Variants in PLEKHA5 observed in about 807,000 individuals in gnomAD.
PLEKHA5 encodes the protein pleckstrin homology domain containing A5.
In PLEKHA5, 55 loss-of-function variants were observed where a neutral mutation model predicts 181.9. The observed-to-expected ratio is 0.30, with a 90% CI of 0.24 to 0.38. The LOEUF is 0.38. Ranked by LOEUF, PLEKHA5 falls within the 10% of genes least tolerant of loss-of-function variation. PLEKHA5 has a pLI of 1.00. For synonymous variants in PLEKHA5, 535 were observed against 529.4 expected (o/e 1.01, Z -0.15); for missense variants, 1,432 against 1,549.5 (o/e 0.92, Z 1.27).
chr12:19,309,057 A>G (rs2085335486), intron 15 of PLEKHA5, among the ~76,000 whole-genome samples: 1 of 151,908 alleles, frequency 6.6e-6, no homozygotes, highest in South Asian at 2.1e-4. Flanking sequence ...GCAAGACTCC[A>G]TCTCAAAAAA....
At chr12:19,316,437 G>A (rs56252040) in intron 16 of PLEKHA5, among the ~76,000 whole-genome samples, 16,057 of 150,214 alleles carry the variant, frequency 0.11, 995 homozygotes, top group African/African-American at 0.19. Context: ...TGAGGGGGGG[G>A]AAAGTGAAGA....
At chr12:19,323,488 A>G (rs2091400454) in intron 20 of PLEKHA5, among the ~76,000 whole-genome samples, 1 of 149,694 alleles carries the variant, frequency 6.7e-6, no homozygotes, top group African/African-American at 2.5e-5. Context: ...GGGCAACAAG[A>G]CTGAAACTCT....
At chr12:19,181,942 G>C (rs1305645002) in intron 3 of PLEKHA5, among the ~76,000 whole-genome samples, 1 of 152,184 alleles carries the variant, frequency 6.6e-6, no homozygotes, top group Non-Finnish European at 1.5e-5. Flanking sequence ...TATGTGTCTA[G>C]ATCTGGGTGA....
chr12:19,340,284 C>G (rs1360745529), intron 21 of PLEKHA5, among the ~76,000 whole-genome samples: 1 of 152,018 alleles, frequency 6.6e-6, no homozygotes, highest in African/African-American at 2.4e-5. Context: ...AAATTACTAA[C>G]ACGTGTTTGA....
In PLEKHA5 at chr12:19,322,546, C is replaced by G. The variant is rs1488896340; in HGVS notation, c.2327C>G (p.Ala776Gly). The G allele has an allele frequency of 6.2e-7, 1 of 1,613,748 alleles. No individual in the cohort carries two copies. The highest frequency in any genetic ancestry group is 1.7e-5 in the Admixed American group (1 of 59,994). Residue 776 changes from alanine (A) to glycine (G), a missense_variant, in exon 20 of 32, where the codon GCC becomes GGC. Ala to Gly is a moderately conservative substitution (Grantham distance 60). Transcript: ENST00000429027. ...KYTLEQALLS[A>G]SQEIEMHADN... ...ACGCTTGAGCAAGCTTTGCTATCAG[C>G]CAGCCAAGAGATAGAAATGCATGCA... is the stretch of plus-strand genomic sequence containing the variant.
intron 29 of PLEKHA5, among the ~76,000 whole-genome samples, chr12:19,365,212 A>G (rs1196629332): frequency 6.6e-6 from 1 of 152,004 alleles, no homozygotes; most frequent in Non-Finnish European, 1.5e-5. Flanking sequence ...TCTACTAAAA[A>G]TACAAAAAGC....
chr12:19,150,774 CT>C (rs1468264401), intron 3 of PLEKHA5: 1 of 152,162 alleles, frequency 6.6e-6, no homozygotes, highest in Admixed American at 6.5e-5. Flanking sequence ...TCAGTAGGAG[CT>C]CAAGGAGAAT....
At chr12:19,327,264 T>TC (rs1555163699) in intron 20 of PLEKHA5, among the ~76,000 whole-genome samples, 98 of 149,282 alleles carry the variant, frequency 6.6e-4, no homozygotes, top group Non-Finnish European at 1.0e-3. Flanking sequence ...TTTTTTTTTT[T>TC]ACTTTTTAAT....
intron 15 of PLEKHA5, chr12:19,306,634 C>T: frequency 1.8e-6 from 2 of 1,140,858 alleles, no homozygotes; most frequent in Non-Finnish European, 2.6e-6. Flanking sequence ...GTGGAGGCGG[C>T]GGCATCGAGG....
intron 3 of PLEKHA5, among the ~76,000 whole-genome samples, chr12:19,243,908 G>A (rs1211679759): frequency 1.3e-5 from 2 of 152,048 alleles, no homozygotes; most frequent in African/African-American, 4.8e-5. Context: ...GCCTTTAATT[G>A]TAGGCACAAT....
intron 7 of PLEKHA5, among the ~76,000 whole-genome samples, chr12:19,263,898 A>G (rs543379901): frequency 6.6e-6 from 1 of 152,306 alleles, no homozygotes; most frequent in African/African-American, 2.4e-5. Context: ...TCATTCTACA[A>G]ACATTACTGA....
At chr12:19,341,857 A>G (rs966524024) in intron 21 of PLEKHA5, among the ~76,000 whole-genome samples, 7 of 151,772 alleles carry the variant, frequency 4.6e-5, no homozygotes, top group African/African-American at 1.7e-4. Context: ...TCAGCCTCCC[A>G]AGTAGCTGGG....
At chr12:19,313,991 G>T (rs180861562) in intron 15 of PLEKHA5, among the ~76,000 whole-genome samples, 1 of 152,198 alleles carries the variant, frequency 6.6e-6, no homozygotes, top group Non-Finnish European at 1.5e-5. Flanking sequence ...AAAATTAAGC[G>T]TTACAAATTA....
chr12:19,214,981 C>T (rs1488129367), intron 3 of PLEKHA5, among the ~76,000 whole-genome samples: 1 of 151,964 alleles, frequency 6.6e-6, no homozygotes, highest in African/African-American at 2.4e-5. Flanking sequence ...AGTTCGAGGC[C>T]ATCCTGGCCA....
chr12:19,208,610 C>T (rs1170144068), intron 3 of PLEKHA5, among the ~76,000 whole-genome samples: 2 of 152,060 alleles, frequency 1.3e-5, no homozygotes, highest in Non-Finnish European at 2.9e-5. Flanking sequence ...TTTTGGCACT[C>T]CTGTGAAATT....
intron 3 of PLEKHA5, chr12:19,200,677 T>G: frequency 9.7e-7 from 1 of 1,029,046 alleles, no homozygotes; most frequent in Non-Finnish European, 1.2e-6. Context: ...TCTTAACCCT[T>G]TCCTTGCTTG....
chr12:19,160,832 G>C (rs1005586141), intron 3 of PLEKHA5, among the ~76,000 whole-genome samples: 3 of 151,960 alleles, frequency 2.0e-5, no homozygotes, highest in African/African-American at 7.2e-5. Flanking sequence ...ATTTTAATTT[G>C]TAGGGGTGTA....
At chr12:19,302,410 A>G (rs775247990) in intron 15 of PLEKHA5, among the ~76,000 whole-genome samples, 1 of 152,184 alleles carries the variant, frequency 6.6e-6, no homozygotes, top group Non-Finnish European at 1.5e-5. Context: ...GGGGAAAATC[A>G]TACTTGCTTT....
intron 15 of PLEKHA5, among the ~76,000 whole-genome samples, chr12:19,293,921 G>T (rs1254438967): frequency 2.0e-5 from 3 of 152,220 alleles, no homozygotes; most frequent in Non-Finnish European, 4.4e-5. Flanking sequence ...CATGCTTGTG[G>T]TCCTACTGGT....
Sources: gnomAD v4.1 joint callset for allele counts (sites outside exome capture counted in the v4.1 genomes callset) on GRCh38, gnomAD v4.1.1 for gene constraint, MANE v1.5 for transcripts, NCBI Gene and HGNC (gene_info 2026-07-23, HGNC 2026-07-21) for gene names.